The following H3C10 variants were observed in gnomAD, a reference collection of about 807,000 sequenced individuals.
The protein encoded by H3C10 is histone H3.1.
Under a neutral mutation model 6.8 loss-of-function variants are expected in H3C10, and 8 were observed. The ratio of observed to expected loss-of-function variants is 1.17; its 90% CI spans 0.69 to 2.12. The LOEUF (loss-of-function observed/expected upper bound fraction) is 2.12. Among genes scored for constraint, H3C10 ranks in the 30% most tolerant of loss-of-function variants. The pLI is 0.00. For synonymous variants in H3C10, 122 were observed against 81.3 expected (o/e 1.50, Z -2.69); for missense variants, 163 against 195.3 (o/e 0.83, Z 0.98).
Position 27,810,161 on chromosome 6 carries a change from G to T in H3C10, c.88G>T (p.Ala30Ser). ...GGCCACCAAGGCGGCTCGGAAGAGC[G>T]CTCCGGCCACCGGCGGTGTCAAGAA... ...QLATKAARKS[A>S]PATGGVKKPH... is the part of the protein sequence containing the mutation. The change falls in exon 1 of 1, where the codon GCT (alanine) becomes TCT (serine). Residue 30 changes from alanine (A) to serine (S), a missense_variant. Ala to Ser is a moderately conservative substitution (Grantham distance 99). Coordinates refer to ENST00000685041, the MANE Select transcript of H3C10 (RefSeq NM_003536.3). The T allele has an allele frequency of 1.2e-6, 2 of 1,614,184 alleles. No individual in the cohort carries two copies. The highest frequency in any genetic ancestry group is 1.7e-6 in the Non-Finnish European group (2 of 1,180,032).
Position 27,810,376 on chromosome 6 carries a change from G to A in H3C10, c.303G>A (p.Leu101=). 5.0e-6 allele frequency: 8 copies of A among 1,614,222 alleles called. No individual in the cohort carries two copies. Among genetic ancestry groups the A allele is most frequent in the Non-Finnish European group, 6.8e-6 (8 of 1,180,042 alleles). Residue 101 remains leucine (L), a synonymous_variant, in exon 1 of 1, where the codon CTG becomes CTA. Coordinates refer to ENST00000685041, the MANE Select transcript of H3C10 (RefSeq NM_003536.3). The part of the protein sequence containing the change: ...MALQEACEAY[L]VGLFEDTNLC... ...TGCAAGAGGCATGCGAGGCCTACCTGGTGGGGCTCTTTGAGGACACCAACC... is the reference window on the plus strand; with the variant it reads ...TGCAAGAGGCATGCGAGGCCTACCTAGTGGGGCTCTTTGAGGACACCAACC...
rs754197834 is a variant in H3C10 at position 27,810,330 on chromosome 6, A to G, written c.257A>G (p.Gln86Arg). 8 of 1,614,244 alleles carry G rather than the reference A, an allele frequency of 5.0e-6. No individual in the cohort carries two copies. Among genetic ancestry groups the G allele is most frequent in the Non-Finnish European group, 6.8e-6 (8 of 1,180,032 alleles). ...GACTTCAAGACCGACTTGCGCTTCC[A>G]GAGCTCCGCGGTGATGGCGCTGCAA... ...AQDFKTDLRF[Q>R]SSAVMALQEA... is the part of the protein sequence containing the mutation. Residue 86 changes from glutamine to arginine, a missense_variant, in exon 1 of 1, where the codon CAG becomes CGG. Physicochemically the swap from Gln to Arg is conservative, Grantham distance 43 (BLOSUM62 1). Transcript: ENST00000685041.
chr6:27,810,056 G>C lies in H3C10; in HGVS notation c.-18G>C, dbSNP rs368223891. On this transcript the variant is annotated 5_prime_UTR_variant, in exon 1 of 1. Coordinates refer to ENST00000685041, the MANE Select transcript of H3C10 (RefSeq NM_003536.3). The stretch of plus-strand genomic sequence containing the variant: ...GCTAGCTTTCTCTTTCTCCTGAAGT[G>C]AATCTAGCTCTGAAGGCATGGCGCG... 2.5e-6 allele frequency: 4 copies of C among 1,611,996 alleles called. No individual in the cohort carries two copies. Among genetic ancestry groups the C allele is most frequent in the Non-Finnish European group, 3.4e-6 (4 of 1,179,156 alleles).
chr6:27,810,079 G>C lies in H3C10; in HGVS notation c.6G>C (p.Ala2=). 6.2e-7 allele frequency: 1 copy of C among 1,613,946 alleles called. No homozygotes were observed. The highest frequency in any genetic ancestry group is 1.3e-5 in the African/African-American group (1 of 75,026). ...GTGAATCTAGCTCTGAAGGCATGGC[G>C]CGTACGAAGCAGACTGCTCGCAAGT... The part of the protein sequence containing the change: M[A]RTKQTARKST... Residue 2 remains alanine (A), a synonymous_variant, in exon 1 of 1, where the codon GCG becomes GCC. Transcript: ENST00000685041.
At position 27,810,202 on chromosome 6, in the gene H3C10, G is replaced by T. The variant is rs371416934; in HGVS notation, c.129G>T (p.Arg43=). 9.4e-5 allele frequency: 151 copies of T among 1,614,044 alleles called. No individual in the cohort carries two copies. Among genetic ancestry groups the T allele is most frequent in the Non-Finnish European group, 1.2e-4 (142 of 1,180,038 alleles). Residue 43 remains arginine (R), a synonymous_variant, in exon 1 of 1, where the codon CGG becomes CGT. Transcript: ENST00000685041. ...TGGVKKPHRY[R]PGTVALREIR... ...GTGTCAAGAAGCCCCATCGCTATCGGCCTGGTACAGTGGCTCTCCGCGAGA... is the reference window on the plus strand; with the variant it reads ...GTGTCAAGAAGCCCCATCGCTATCGTCCTGGTACAGTGGCTCTCCGCGAGA...
chr6:27,810,426 T>G lies in H3C10; in HGVS notation c.353T>G (p.Val118Gly). ...TNLCAIHAKR[V>G]TIMPKDIQLA... ...CTGTGCGCCATCCACGCCAAGCGGGTGACTATCATGCCCAAGGACATCCAG... is the reference window on the plus strand; with the variant it reads ...CTGTGCGCCATCCACGCCAAGCGGGGGACTATCATGCCCAAGGACATCCAG... The change falls in exon 1 of 1, where the codon GTG (valine) becomes GGG (glycine). Residue 118 changes from valine to glycine, a missense_variant. Physicochemically the swap from Val to Gly is moderately radical, Grantham distance 109. Transcript: ENST00000685041. 1 of 1,614,084 alleles carries G rather than the reference T, an allele frequency of 6.2e-7. No homozygotes were observed.
chr6:27,810,360 C>T lies in H3C10; in HGVS notation c.287C>T (p.Ala96Val). The change falls in exon 1 of 1, where the codon GCA becomes GTA. Residue 96 changes from alanine (A) to valine (V), a missense_variant. Ala to Val is a moderately conservative substitution (Grantham distance 64, BLOSUM62 0). Coordinates refer to ENST00000685041, the MANE Select transcript of H3C10 (RefSeq NM_003536.3). ...TCCGCGGTGATGGCGCTGCAAGAGGCATGCGAGGCCTACCTGGTGGGGCTC... is the reference window on the plus strand; with the variant it reads ...TCCGCGGTGATGGCGCTGCAAGAGGTATGCGAGGCCTACCTGGTGGGGCTC... ...QSSAVMALQE[A>V]CEAYLVGLFE... The T allele has an allele frequency of 1.9e-6, 3 of 1,614,234 alleles. No individual in the cohort carries two copies.
At position 27,810,279 on chromosome 6, in the gene H3C10, A is replaced by G. The variant is rs1273217079; in HGVS notation, c.206A>G (p.Gln69Arg). The G allele has an allele frequency of 6.2e-7, 1 of 1,614,196 alleles. No individual in the cohort carries two copies. Among genetic ancestry groups the G allele is most frequent in the Non-Finnish European group, 8.5e-7 (1 of 1,180,034 alleles). ...CTGCTGATCAGAAAGCTGCCTTTTC[A>G]GCGTCTGGTGCGTGAGATCGCGCAG... is the stretch of plus-strand genomic sequence containing the variant. ...TELLIRKLPF[Q>R]RLVREIAQDF... is the part of the protein sequence containing the mutation. Residue 69 changes from glutamine (Q) to arginine (R), a missense_variant, in exon 1 of 1, where the codon CAG (glutamine) becomes CGG (arginine). Gln to Arg is a conservative substitution (Grantham distance 43). Transcript: ENST00000685041.
In H3C10 at chr6:27,810,070, A is replaced by C; in HGVS notation, c.-4A>C. The C allele has an allele frequency of 6.2e-7, 1 of 1,613,744 alleles. No homozygotes were observed. On this transcript the variant is annotated 5_prime_UTR_variant, in exon 1 of 1. Transcript: ENST00000685041. ...TCTCCTGAAGTGAATCTAGCTCTGA[A>C]GGCATGGCGCGTACGAAGCAGACTG...
chr6:27,810,142 C>T lies in H3C10; in HGVS notation c.69C>T (p.Thr23=), dbSNP rs772178247. Residue 23 remains threonine (T), a synonymous_variant, in exon 1 of 1, where the codon ACC becomes ACT. Coordinates refer to ENST00000685041, the MANE Select transcript of H3C10 (RefSeq NM_003536.3). The part of the protein sequence containing the change: ...GGKAPRKQLA[T]KAARKSAPAT... ...AGGCTCCGCGCAAGCAGCTGGCCAC[C>T]AAGGCGGCTCGGAAGAGCGCTCCGG... The T allele has an allele frequency of 4.3e-6, 7 of 1,614,012 alleles. No homozygotes were observed. The East Asian group carries it at 1.1e-4, about 26-fold the overall frequency.
Position 27,810,511 on chromosome 6 carries a change from C to A in H3C10, c.*27C>A. 6.3e-7 allele frequency: 1 copy of A among 1,598,772 alleles called. No homozygotes were observed. The highest frequency in any genetic ancestry group is 8.5e-7 in the Non-Finnish European group (1 of 1,172,466). ...TCTCAAGGACTCACTGATTACATAC[C>A]CAAAGGCTCTTTTCAGAGCCACCCA... On this transcript the variant is annotated 3_prime_UTR_variant, in exon 1 of 1. Coordinates refer to ENST00000685041, the MANE Select transcript of H3C10 (RefSeq NM_003536.3).
chr6:27,810,051 G>C lies in H3C10; in HGVS notation c.-23G>C, dbSNP rs753084788. 44 of 1,611,018 alleles carry C rather than the reference G, an allele frequency of 2.7e-5. No individual in the cohort carries two copies. Among genetic ancestry groups the C allele is most frequent in the Non-Finnish European group, 3.6e-5 (42 of 1,178,840 alleles). ...AAGCGGCTAGCTTTCTCTTTCTCCT[G>C]AAGTGAATCTAGCTCTGAAGGCATG... On this transcript the variant is annotated 5_prime_UTR_variant, in exon 1 of 1. Coordinates refer to ENST00000685041, the MANE Select transcript of H3C10 (RefSeq NM_003536.3).
In H3C10 at chr6:27,810,138, C is replaced by A; in HGVS notation, c.65C>A (p.Ala22Asp). Reference sequence around the variant, plus strand: ...GGCAAGGCTCCGCGCAAGCAGCTGGCCACCAAGGCGGCTCGGAAGAGCGCT... The same window carrying A: ...GGCAAGGCTCCGCGCAAGCAGCTGGACACCAAGGCGGCTCGGAAGAGCGCT... The part of the protein sequence containing the change: ...TGGKAPRKQL[A>D]TKAARKSAPA... The change falls in exon 1 of 1, where the codon GCC becomes GAC. Residue 22 changes from alanine (A) to aspartate (D), a missense_variant. Ala to Asp is a moderately radical substitution (Grantham distance 126). Transcript: ENST00000685041. 6.2e-7 allele frequency: 1 copy of A among 1,614,104 alleles called. No homozygotes were observed. Among genetic ancestry groups the A allele is most frequent in the Non-Finnish European group, 8.5e-7 (1 of 1,180,006 alleles).
rs749069747 is a variant in H3C10, at chr6:27,810,382, G to A, written c.309G>A (p.Gly103=). The A allele has an allele frequency of 6.2e-6, 10 of 1,614,222 alleles. No homozygotes were observed. The highest frequency in any genetic ancestry group is 5.1e-6 in the Non-Finnish European group (6 of 1,180,046). ...LQEACEAYLV[G]LFEDTNLCAI... is the part of the protein sequence containing the mutation. The stretch of plus-strand genomic sequence containing the variant: ...AGGCATGCGAGGCCTACCTGGTGGG[G>A]CTCTTTGAGGACACCAACCTGTGCG... The change falls in exon 1 of 1, where the codon GGG becomes GGA. Residue 103 remains glycine (G), a synonymous_variant. Transcript: ENST00000685041.
Position 27,810,166 on chromosome 6 carries a change from G to T in H3C10, c.93G>T (p.Pro31=), listed in dbSNP as rs927480950. Residue 31 remains proline, a synonymous_variant, in exon 1 of 1, where the codon CCG becomes CCT. Coordinates refer to ENST00000685041, the MANE Select transcript of H3C10 (RefSeq NM_003536.3). ...CCAAGGCGGCTCGGAAGAGCGCTCC[G>T]GCCACCGGCGGTGTCAAGAAGCCCC... The part of the protein sequence containing the change: ...LATKAARKSA[P]ATGGVKKPHR... 1 of 1,614,158 alleles carries T rather than the reference G, an allele frequency of 6.2e-7. No individual in the cohort carries two copies. Among genetic ancestry groups the T allele is most frequent in the South Asian group, 1.1e-5 (1 of 91,086 alleles).
At position 27,810,400 on chromosome 6, in the gene H3C10, C is replaced by T. The variant is rs773276846; in HGVS notation, c.327C>T (p.Asn109=). The part of the protein sequence containing the change: ...AYLVGLFEDT[N]LCAIHAKRVT... ...TGGTGGGGCTCTTTGAGGACACCAACCTGTGCGCCATCCACGCCAAGCGGG... is the reference window on the plus strand; with the variant it reads ...TGGTGGGGCTCTTTGAGGACACCAATCTGTGCGCCATCCACGCCAAGCGGG... The change falls in exon 1 of 1, where the codon AAC becomes AAT. Residue 109 remains asparagine, a synonymous_variant. Transcript: ENST00000685041. The T allele has an allele frequency of 2.5e-6, 4 of 1,614,118 alleles. No individual in the cohort carries two copies. The highest frequency in any genetic ancestry group is 2.2e-5 in the East Asian group (1 of 44,900).
At position 27,810,473 on chromosome 6, in the gene H3C10, G is replaced by C; in HGVS notation, c.400G>C (p.Glu134Gln). The C allele has an allele frequency of 6.2e-7, 1 of 1,613,894 alleles. No individual in the cohort carries two copies. The highest frequency in any genetic ancestry group is 8.5e-7 in the Non-Finnish European group (1 of 1,179,858). ...CCAGCTCGCACGTCGTATCCGCGGCGAGAGGGCTTGAGTCTCAAGGACTCA... is the reference window on the plus strand; with the variant it reads ...CCAGCTCGCACGTCGTATCCGCGGCCAGAGGGCTTGAGTCTCAAGGACTCA... ...DIQLARRIRG[E>Q]RA is the part of the protein sequence containing the mutation. Residue 134 changes from glutamate (E) to glutamine (Q), a missense_variant, in exon 1 of 1, where the codon GAG (glutamate) becomes CAG (glutamine). Glu to Gln is a conservative substitution (Grantham distance 29). Coordinates refer to ENST00000685041, the MANE Select transcript of H3C10 (RefSeq NM_003536.3).
At position 27,810,309 on chromosome 6, in the gene H3C10, T is replaced by TC. The variant is rs1760535892; in HGVS notation, c.237dup (p.Lys80GlnfsTer27). 1 of 1,614,208 alleles carries TC rather than the reference T, an allele frequency of 6.2e-7. No homozygotes were observed. Among genetic ancestry groups the TC allele is most frequent in the Non-Finnish European group, 8.5e-7 (1 of 1,180,034 alleles). ...CTGGTGCGTGAGATCGCGCAGGACT[T>TC]CAAGACCGACTTGCGCTTCCAGAGC... On this transcript the variant is annotated frameshift_variant, in exon 1 of 1. Transcript: ENST00000685041. LOFTEE classifies it high-confidence loss of function.
rs761845063 is a variant in H3C10, at chr6:27,810,064, C to T, written c.-10C>T. 1.9e-6 allele frequency: 3 copies of T among 1,613,566 alleles called. No individual in the cohort carries two copies. Among genetic ancestry groups the T allele is most frequent in the South Asian group, 1.1e-5 (1 of 91,028 alleles). On this transcript the variant is annotated 5_prime_UTR_variant, in exon 1 of 1. Transcript: ENST00000685041. ...TCTCTTTCTCCTGAAGTGAATCTAG[C>T]TCTGAAGGCATGGCGCGTACGAAGC...
Sources: gnomAD v4.1 joint callset for allele counts on GRCh38, gnomAD v4.1.1 for gene constraint, MANE v1.5 for transcripts, NCBI Gene and HGNC (gene_info 2026-07-23, HGNC 2026-07-21) for gene names.